SEMA3E: variants seen among roughly 807,000 people sequenced by gnomAD.
SEMA3E encodes semaphorin-3E.
SEMA3E carries 49 observed loss-of-function variants against 93.6 expected under a neutral mutation model. The ratio of observed to expected loss-of-function variants is 0.52; its 90% CI spans 0.42 to 0.66. The LOEUF is 0.66. Ranked by LOEUF, SEMA3E falls within the 30% of genes least tolerant of loss-of-function variation. The pLI, the probability that SEMA3E is intolerant of heterozygous loss-of-function variation, is 0.00. For synonymous variants in SEMA3E, 363 were observed against 330.7 expected (o/e 1.10, Z -1.06); for missense variants, 906 against 964.8 (o/e 0.94, Z 0.81).
chr7:83,617,070 T>C (rs1793385790), intron 1 of SEMA3E, among the ~76,000 whole-genome samples: 1 of 152,126 alleles, frequency 6.6e-6, no homozygotes, highest in Admixed American at 6.6e-5. Context: ...ATAATCAATT[T>C]GGTTACAATA....
chr7:83,565,899 T>G (rs1268018149), intron 1 of SEMA3E, among the ~76,000 whole-genome samples: 2 of 152,104 alleles, frequency 1.3e-5, no homozygotes, highest in Non-Finnish European at 2.9e-5. Context: ...AAAAGTCCTT[T>G]TAATAGAATT....
At chr7:83,457,682 C>T (rs1234477018) in intron 4 of SEMA3E, among the ~76,000 whole-genome samples, 1 of 152,150 alleles carries the variant, frequency 6.6e-6, no homozygotes, top group African/African-American at 2.4e-5. Flanking sequence ...TTTCATCTCT[C>T]CCTGCTTGAA....
intron 16 of SEMA3E, among the ~76,000 whole-genome samples, chr7:83,377,839 T>C (rs1354187376): frequency 6.6e-6 from 1 of 152,024 alleles, no homozygotes; most frequent in Non-Finnish European, 1.5e-5. Flanking sequence ...GTAGTGCTTA[T>C]CCATTTTATA....
chr7:83,613,766 C>G (rs1278591564), intron 1 of SEMA3E, among the ~76,000 whole-genome samples: 2 of 152,012 alleles, frequency 1.3e-5, no homozygotes, highest in African/African-American at 4.8e-5. Flanking sequence ...AAATAAAATA[C>G]TTTTCATGTA....
At chr7:83,546,470 A>G (rs1431889188) in intron 1 of SEMA3E, among the ~76,000 whole-genome samples, 2 of 151,446 alleles carry the variant, frequency 1.3e-5, no homozygotes, top group African/African-American at 4.9e-5. Flanking sequence ...GTAGCATGGG[A>G]GTAAGAACTG....
At chr7:83,399,287 T>C (rs1285601883) in intron 11 of SEMA3E, among the ~76,000 whole-genome samples, 1 of 152,184 alleles carries the variant, frequency 6.6e-6, no homozygotes, top group Non-Finnish European at 1.5e-5. Flanking sequence ...GGCTGAAAGA[T>C]CTCAAGTCCT....
At position 83,539,870 on chromosome 7, in the gene SEMA3E, T is replaced by TGCGTGC. The variant is rs752003602; in HGVS notation, c.116-49597_116-49596insGCACGC. Among the ~76,000 whole-genome samples, 6 of 150,116 alleles carry TGCGTGC rather than the reference T, an allele frequency of 4.0e-5. No individual in the cohort carries two copies. The East Asian group carries it at 5.9e-4, about 15-fold the overall frequency. On this transcript the variant is annotated intron_variant, in intron 1 of 16. Transcript: ENST00000643230. Reference sequence around the variant, plus strand: ...TTTGTTGTTTCTGTGTGTGTGTGTGTGTGTGTGTGTGTGTGTGTGTGTGTG... The same window carrying TGCGTGC: ...TTTGTTGTTTCTGTGTGTGTGTGTGTGCGTGCGTGTGTGTGTGTGTGTGTGTGTGTG...
intron 1 of SEMA3E, among the ~76,000 whole-genome samples, chr7:83,578,979 A>G (rs1792463960): frequency 6.6e-6 from 1 of 152,124 alleles, no homozygotes; most frequent in African/African-American, 2.4e-5. Context: ...AGAAATATAT[A>G]GAAATTAAAT....
intron 1 of SEMA3E, among the ~76,000 whole-genome samples, chr7:83,567,137 T>A (rs925128499): frequency 2.0e-5 from 3 of 152,174 alleles, no homozygotes; most frequent in Non-Finnish European, 4.4e-5. Context: ...AAGCAGACTT[T>A]ACGTCAGAAA....
intron 1 of SEMA3E, among the ~76,000 whole-genome samples, chr7:83,553,897 G>A (rs1791828531): frequency 6.6e-6 from 1 of 151,938 alleles, no homozygotes; most frequent in South Asian, 2.1e-4. Context: ...AGAGTTGAGA[G>A]GCTAGTACTA....
intron 16 of SEMA3E, among the ~76,000 whole-genome samples, chr7:83,368,957 T>A (rs1198776686): frequency 1.3e-5 from 2 of 152,148 alleles, no homozygotes; most frequent in Non-Finnish European, 2.9e-5. Context: ...GTTTTCTTTG[T>A]AAAGTGGAGA....
At chr7:83,373,933 G>A (rs903885458) in intron 16 of SEMA3E, among the ~76,000 whole-genome samples, 6 of 152,066 alleles carry the variant, frequency 3.9e-5, no homozygotes, top group Admixed American at 2.0e-4. Flanking sequence ...TAGGCCGGGC[G>A]CGGTGTTTCA....
chr7:83,370,687 C>T (rs561017754), intron 16 of SEMA3E, among the ~76,000 whole-genome samples: 2 of 152,108 alleles, frequency 1.3e-5, no homozygotes, highest in Non-Finnish European at 2.9e-5. Flanking sequence ...TCTTCCCAAA[C>T]TGGCCTTTCT....
intron 1 of SEMA3E, among the ~76,000 whole-genome samples, chr7:83,566,288 G>A (rs539845659): frequency 6.6e-6 from 1 of 151,756 alleles, no homozygotes; most frequent in African/African-American, 2.4e-5. Flanking sequence ...TTACAGGCGT[G>A]AGCCACTGCA....
At chr7:83,586,408 A>G (rs1792628870) in intron 1 of SEMA3E, among the ~76,000 whole-genome samples, 1 of 151,974 alleles carries the variant, frequency 6.6e-6, no homozygotes, top group African/African-American at 2.4e-5. Flanking sequence ...ACCATGTGGG[A>G]CACCTGGGGG....
At chr7:83,637,143 C>T (rs1584379585) in intron 1 of SEMA3E, among the ~76,000 whole-genome samples, 1 of 151,914 alleles carries the variant, frequency 6.6e-6, no homozygotes, top group East Asian at 1.9e-4. Flanking sequence ...CTATACCTAG[C>T]TTCCCTTGTT....
chr7:83,524,190 T>C (rs1043775907), intron 1 of SEMA3E, among the ~76,000 whole-genome samples: 1 of 152,142 alleles, frequency 6.6e-6, no homozygotes, highest in East Asian at 1.9e-4. Flanking sequence ...CTTTCTCCCT[T>C]AATAAGGAAG....
chr7:83,469,398 C>CTTTTTTTTTTTTTTTTTTTTT (rs10650403), intron 2 of SEMA3E, 96 bp from the exon 3 acceptor site: 1 of 530,596 alleles, frequency 1.9e-6, no homozygotes, highest in Non-Finnish European at 3.3e-6. Context: ...AAAACATTTC[C>CTTTTTTTTTTTTTTTTTTTTT]TTTTTTTTTT....
chr7:83,438,362 C>T (rs1258712712), intron 4 of SEMA3E, among the ~76,000 whole-genome samples: 9 of 152,126 alleles, frequency 5.9e-5, no homozygotes, highest in Admixed American at 4.6e-4. Flanking sequence ...AAATAAACTA[C>T]ACACTATTCA....
Sources: allele counts gnomAD v4.1 joint callset (sites outside exome capture counted in the v4.1 genomes callset), GRCh38; gene constraint gnomAD v4.1.1; transcripts MANE v1.5; gene names NCBI Gene and HGNC (gene_info 2026-07-23, HGNC 2026-07-21).